KCNH7: variants seen among roughly 807,000 people sequenced by gnomAD.
The protein encoded by KCNH7 is voltage-gated inwardly rectifying potassium channel KCNH7.
A neutral mutation model predicts 120.8 loss-of-function variants in KCNH7; 49 were observed. The observed-to-expected ratio is 0.41, with a 90% confidence interval of 0.32 to 0.51. The LOEUF is 0.51. KCNH7 is among the 20% of genes least tolerant of loss of function. KCNH7 has a pLI of 0.38. For synonymous variants in KCNH7, 547 were observed against 516.1 expected (o/e 1.06, Z -0.81); for missense variants, 1,097 against 1,446.6 (o/e 0.76, Z 3.92).
At chr2:162,813,308 G>A (rs1684798866) in intron 2 of KCNH7, among the ~76,000 whole-genome samples, 1 of 152,142 alleles carries the variant, frequency 6.6e-6, no homozygotes, top group Non-Finnish European at 1.5e-5. Flanking sequence ...AATGCCAAAT[G>A]TGTACTCTTC....
chr2:162,702,374 A>T (rs918392499), intron 2 of KCNH7, among the ~76,000 whole-genome samples: 1 of 152,172 alleles, frequency 6.6e-6, no homozygotes, highest in Non-Finnish European at 1.5e-5. Context: ...GTATGATATC[A>T]ATATGTTCTG....
intron 13 of KCNH7, among the ~76,000 whole-genome samples, chr2:162,382,278 A>C (rs1460069725): frequency 6.6e-6 from 1 of 152,094 alleles, no homozygotes; most frequent in Non-Finnish European, 1.5e-5. Context: ...GGCTTCCTTG[A>C]TTATAATTTA....
chr2:162,399,556 C>T (rs962415606), intron 10 of KCNH7, among the ~76,000 whole-genome samples: 1 of 151,760 alleles, frequency 6.6e-6, no homozygotes, highest in Non-Finnish European at 1.5e-5. Flanking sequence ...AGTGTGTGTA[C>T]ATGGCCTAAA....
chr2:162,576,747 G>T (rs1693683185), intron 2 of KCNH7, among the ~76,000 whole-genome samples: 1 of 151,884 alleles, frequency 6.6e-6, no homozygotes, highest in Non-Finnish European at 1.5e-5. Context: ...TGATGACCAA[G>T]GGTCTTGTAA....
chr2:162,579,473 T>G (rs1362133803), intron 2 of KCNH7, among the ~76,000 whole-genome samples: 1 of 152,094 alleles, frequency 6.6e-6, no homozygotes, highest in African/African-American at 2.4e-5. Context: ...TATGTCAATA[T>G]GAAACTTCTG....
chr2:162,618,575 T>C (rs546208877), intron 2 of KCNH7, among the ~76,000 whole-genome samples: 1 of 152,276 alleles, frequency 6.6e-6, no homozygotes, highest in Admixed American at 6.5e-5. Context: ...AAATAAACTA[T>C]TATACATTTG....
chr2:162,626,748 G>A (rs566557400), intron 2 of KCNH7, among the ~76,000 whole-genome samples: 1 of 152,056 alleles, frequency 6.6e-6, no homozygotes. Flanking sequence ...GGTTTTTAAA[G>A]CATGAAAATT....
intron 6 of KCNH7, among the ~76,000 whole-genome samples, chr2:162,480,441 G>C (rs1336702209): frequency 6.6e-6 from 1 of 152,164 alleles, no homozygotes; most frequent in African/African-American, 2.4e-5. Flanking sequence ...GTAAACCAGA[G>C]AGCCTGAATC....
intron 2 of KCNH7, among the ~76,000 whole-genome samples, chr2:162,835,986 T>C (rs1426770845): frequency 4.6e-5 from 7 of 152,194 alleles, no homozygotes; most frequent in African/African-American, 1.7e-4. Context: ...TGTTTGAATA[T>C]GCACAGGTTA....
chr2:162,433,754 G>A (rs1344802300), intron 8 of KCNH7, among the ~76,000 whole-genome samples: 1 of 151,928 alleles, frequency 6.6e-6, no homozygotes, highest in Non-Finnish European at 1.5e-5. Flanking sequence ...CTTATATTGG[G>A]GAATATAAGC....
intron 2 of KCNH7, among the ~76,000 whole-genome samples, chr2:162,825,861 G>A (rs1465088271): frequency 1.3e-5 from 2 of 152,050 alleles, no homozygotes; most frequent in African/African-American, 4.8e-5. Flanking sequence ...ATGCATGAAT[G>A]CTCACATGTG....
chr2:162,377,298 A>C (rs1686236258), intron 14 of KCNH7, among the ~76,000 whole-genome samples: 2 of 152,198 alleles, frequency 1.3e-5, no homozygotes, highest in Admixed American at 1.3e-4. Flanking sequence ...ATCACAGATA[A>C]TTAGAAACAA....
At chr2:162,519,523 C>A (rs1691443328) in intron 3 of KCNH7, among the ~76,000 whole-genome samples, 2 of 151,516 alleles carry the variant, frequency 1.3e-5, no homozygotes, top group African/African-American at 4.9e-5. Context: ...ATGCATTCTT[C>A]TTTATGTATC....
intron 2 of KCNH7, among the ~76,000 whole-genome samples, chr2:162,678,367 A>T (rs778967995): frequency 6.6e-6 from 1 of 151,466 alleles, no homozygotes; most frequent in Non-Finnish European, 1.5e-5. Flanking sequence ...CTAAGGAATG[A>T]TGATATCCCT....
At chr2:162,569,482 T>C (rs1208082641) in intron 2 of KCNH7, among the ~76,000 whole-genome samples, 5 of 145,926 alleles carry the variant, frequency 3.4e-5, no homozygotes, top group African/African-American at 7.7e-5. Context: ...AAAAACCAGC[T>C]CCTGGATTCA....
At chr2:162,565,617 G>T (rs920678984) in intron 2 of KCNH7, among the ~76,000 whole-genome samples, 1 of 152,088 alleles carries the variant, frequency 6.6e-6, no homozygotes, top group Non-Finnish European at 1.5e-5. Context: ...TTATCCTGAT[G>T]CTATAAAATG....
intron 6 of KCNH7, among the ~76,000 whole-genome samples, chr2:162,478,075 T>C (rs1378262056): frequency 6.6e-6 from 1 of 152,148 alleles, no homozygotes. Context: ...TGAATTTAAC[T>C]CAGGTTAAGG....
chr2:162,461,847 T>C (rs1689157564), intron 6 of KCNH7, among the ~76,000 whole-genome samples: 1 of 152,142 alleles, frequency 6.6e-6, no homozygotes, highest in African/African-American at 2.4e-5. Context: ...GTTGGTCTGG[T>C]TGGAATACCT....
Position 162,537,029 on chromosome 2 carries a change from C to T in KCNH7, c.359G>A (p.Gly120Asp). ...THIIPVKNQE[G>D]VAMMFIINFE... ...ATTAATGATGAACATCATAGCCACG[C>T]CCTCTTGGTTTTTCACTGGAATTAT... Residue 120 changes from glycine to aspartate, a missense_variant, in exon 3 of 16, where the codon GGC becomes GAC. This residue lies in a region of KCNH7 where 362 missense variants were observed against 372.2 expected (regional missense o/e 0.97). Coordinates refer to ENST00000332142, the MANE Select transcript of KCNH7 (RefSeq NM_033272.4). The T allele has an allele frequency of 1.2e-6, 2 of 1,612,534 alleles. No individual in the cohort carries two copies. The highest frequency in any genetic ancestry group is 2.2e-5 in the South Asian group (2 of 91,004).
Sources: gnomAD v4.1 joint callset for allele counts (sites outside exome capture counted in the v4.1 genomes callset) on GRCh38, gnomAD v4.1.1 for gene constraint, gnomAD v4.1.1 regional missense constraint, MANE v1.5 for transcripts, NCBI Gene and HGNC (gene_info 2026-07-23, HGNC 2026-07-21) for gene names.